The following TLR4 variants were observed in gnomAD, a reference collection of about 807,000 sequenced individuals.
TLR4 encodes toll-like receptor 4.
In TLR4, 17 loss-of-function variants were observed where a neutral mutation model predicts 27.4. That is an observed-to-expected ratio of 0.62 (90% CI 0.42 to 0.93). The LOEUF is 0.93. Among genes scored for constraint, TLR4 ranks in the 40% least tolerant of loss-of-function variants. The pLI, the probability that TLR4 is intolerant of heterozygous loss-of-function variation, is 0.00. For missense variants in TLR4, 926 were observed against 962.3 expected, an observed-to-expected ratio of 0.96 and a Z score of 0.50; for synonymous variants, 363 against 365.7, an observed-to-expected ratio of 0.99 and a Z score of 0.08.
Position 117,716,658 on chromosome 9 carries a change from G to T in TLR4, c.*2010G>T, listed in dbSNP as rs7873784. On this transcript the variant is annotated 3_prime_UTR_variant, in exon 3 of 3. Transcript: ENST00000355622. ...AAAGATCAGCTGTATAGCAGAGTTC[G>T]TATAATGAACAATACTGTATTATGC... 6.6e-6 allele frequency: 1 copy of T among 152,026 alleles called. No homozygotes were observed. 9.4% of individuals were successfully genotyped at this position (152,026 alleles called of 1,614,324 possible).
chr9:117,714,890 T>A lies in TLR4; in HGVS notation c.*242T>A. On this transcript the variant is annotated 3_prime_UTR_variant, in exon 3 of 3. Transcript: ENST00000355622. ...TCAACCAACTCAGTCAAGGAACCCA[T>A]GACAAAGAAAGTCATTTCAACTCTT... is the stretch of plus-strand genomic sequence containing the variant. 2 of 554,228 alleles carry A rather than the reference T, an allele frequency of 3.6e-6. No individual in the cohort carries two copies. The highest frequency in any genetic ancestry group is 6.5e-6 in the Non-Finnish European group (2 of 308,770). The allele number at this position is 554,228 out of a possible 1,614,324, so 34.3% of individuals were successfully genotyped here. A position where few individuals can be genotyped will look rare whatever the true frequency, so the allele number is the denominator to read the frequency against.
At position 117,713,590 on chromosome 9, in the gene TLR4, C is replaced by T; in HGVS notation, c.1462C>T (p.Leu488Phe). ...TGGCAATTCTTTCCAGGAAAACTTC[C>T]TTCCAGATATCTTCACAGAGCTGAG... ...MAGNSFQENF[L>F]PDIFTELRNL... is the part of the protein sequence containing the mutation. The change falls in exon 3 of 3, where the codon CTT (leucine) becomes TTT (phenylalanine). Residue 488 changes from leucine (L) to phenylalanine (F), a missense_variant. Leu to Phe is a conservative substitution (Grantham distance 22). Transcript: ENST00000355622. The T allele has an allele frequency of 6.2e-7, 1 of 1,614,072 alleles. No individual in the cohort carries two copies. Among genetic ancestry groups the T allele is most frequent in the Non-Finnish European group, 8.5e-7 (1 of 1,180,008 alleles).
intron 1 of TLR4, chr9:117,708,183 T>C: frequency 9.8e-7 from 1 of 1,018,230 alleles, no homozygotes; most frequent in Non-Finnish European, 1.2e-6. Flanking sequence ...CGTTTTATTT[T>C]GTTTTGTTTT....
rs1359016641 is a variant in TLR4 at position 117,715,265 on chromosome 9, T to A, written c.*617T>A. 6.5e-6 allele frequency: 1 copy of A among 152,784 alleles called. No homozygotes were observed. The highest frequency in any genetic ancestry group is 2.4e-5 in the African/African-American group (1 of 41,460). The allele number at this position is 152,784 out of a possible 1,614,324, so 9.5% of individuals were successfully genotyped here. A position where few individuals can be genotyped will look rare whatever the true frequency, so the allele number is the denominator to read the frequency against. ...CTATTTTTTAACTAATCACCCCTGA[T>A]ATATTTTTATTTTTATATATCCAGT... On this transcript the variant is annotated 3_prime_UTR_variant, in exon 3 of 3. Coordinates refer to ENST00000355622, the MANE Select transcript of TLR4 (RefSeq NM_138554.5).
In TLR4 at chr9:117,713,807, A is replaced by T; in HGVS notation, c.1679A>T (p.Lys560Ile). ...DYSLNHIMTS[K>I]KQELQHFPSS... ...AGTCTCAATCACATAATGACTTCCA[A>T]AAAACAGGAACTACAGCATTTTCCA... Residue 560 changes from lysine (K) to isoleucine (I), a missense_variant, in exon 3 of 3, where the codon AAA (lysine) becomes ATA (isoleucine). By Grantham distance (102) the Lys-to-Ile change is moderately radical. Coordinates refer to ENST00000355622, the MANE Select transcript of TLR4 (RefSeq NM_138554.5). 1 of 1,613,992 alleles carries T rather than the reference A, an allele frequency of 6.2e-7. No homozygotes were observed. The highest frequency in any genetic ancestry group is 8.5e-7 in the Non-Finnish European group (1 of 1,180,004).
chr9:117,709,872 C>T (rs1829201632), intron 2 of TLR4, among the ~76,000 whole-genome samples: 1 of 151,958 alleles, frequency 6.6e-6, no homozygotes, highest in African/African-American at 2.4e-5. Context: ...AAGTTTACCC[C>T]CAACCTTTAT....
chr9:117,721,756 T>C lies in TLR4; in HGVS notation c.*7108T>C, dbSNP rs1829425025. 6.6e-6 allele frequency: 1 copy of C among 152,258 alleles called. No individual in the cohort carries two copies. Among genetic ancestry groups the C allele is most frequent in the Non-Finnish European group, 1.5e-5 (1 of 68,050 alleles). The allele number at this position is 152,258 out of a possible 1,614,324, so 9.4% of individuals were successfully genotyped here. A position where few individuals can be genotyped will look rare whatever the true frequency, so the allele number is the denominator to read the frequency against. On this transcript the variant is annotated 3_prime_UTR_variant, in exon 3 of 3. Coordinates refer to ENST00000355622, the MANE Select transcript of TLR4 (RefSeq NM_138554.5). ...GTGCACAGACAGATTTGGGAATTAC[T>C]GTTATAATGGAAAATGGAGAATAAC...
Position 117,713,548 on chromosome 9 carries a change from G to A in TLR4, c.1420G>A (p.Glu474Lys), listed in dbSNP as rs5030718. 2.1e-3 allele frequency: 3,415 copies of A among 1,613,926 alleles called. 53 individuals carry two copies. In the African/African-American group the frequency reaches 0.038, roughly 18 times the overall value. Residue 474 changes from glutamate (E) to lysine (K), a missense_variant, in exon 3 of 3, where the codon GAA (glutamate) becomes AAA (lysine). Coordinates refer to ENST00000355622, the MANE Select transcript of TLR4 (RefSeq NM_138554.5). ...NGIFNGLSSLEVLKMAGNSFQ... is the reference protein window; with the variant it reads ...NGIFNGLSSLKVLKMAGNSFQ... ...CATCTTCAATGGCTTGTCCAGTCTCGAAGTCTTGAAAATGGCTGGCAATTC... is the reference window on the plus strand; with the variant it reads ...CATCTTCAATGGCTTGTCCAGTCTCAAAGTCTTGAAAATGGCTGGCAATTC...
At chr9:117,704,617 C>T in intron 1 of TLR4, 52 bp downstream of exon 1, 1 of 1,480,756 alleles carries the variant, frequency 6.8e-7, no homozygotes, top group Non-Finnish European at 9.4e-7. Context: ...CTGCCCAGAA[C>T]TTCTCACTGT....
rs1829317389 is a variant in TLR4, at chr9:117,714,898, A to G, written c.*250A>G. ...CTCAGTCAAGGAACCCATGACAAAGAAAGTCATTTCAACTCTTACCTCATC... is the reference window on the plus strand; with the variant it reads ...CTCAGTCAAGGAACCCATGACAAAGGAAGTCATTTCAACTCTTACCTCATC... On this transcript the variant is annotated 3_prime_UTR_variant, in exon 3 of 3. Coordinates refer to ENST00000355622, the MANE Select transcript of TLR4 (RefSeq NM_138554.5). The G allele has an allele frequency of 1.8e-6, 1 of 544,392 alleles. No individual in the cohort carries two copies. Among genetic ancestry groups the G allele is most frequent in the Non-Finnish European group, 3.3e-6 (1 of 302,482 alleles). The allele number at this position is 544,392 out of a possible 1,614,324, so 33.7% of individuals were successfully genotyped here.
chr9:117,708,226 T>A, intron 1 of TLR4: 30 of 1,097,724 alleles, frequency 2.7e-5, no homozygotes, highest in Non-Finnish European at 3.3e-5. Context: ...ACAGAAGAGC[T>A]GGCATGAAAC....
In TLR4 at chr9:117,712,580, C is replaced by T. The variant is rs1159116911; in HGVS notation, c.452C>T (p.Thr151Ile). The stretch of plus-strand genomic sequence containing the variant: ...AACTTCCCCATTGGACATCTCAAAA[C>T]TTTGAAAGAACTTAATGTGGCTCAC... Reference protein sequence around the residue: ...LENFPIGHLKTLKELNVAHNL... With the variant: ...LENFPIGHLKILKELNVAHNL... Residue 151 changes from threonine to isoleucine, a missense_variant, in exon 3 of 3, where the codon ACT (threonine) becomes ATT (isoleucine). Physicochemically the swap from Thr to Ile is moderately conservative, Grantham distance 89 (BLOSUM62 -1). Transcript: ENST00000355622. 4 of 1,614,028 alleles carry T rather than the reference C, an allele frequency of 2.5e-6. No individual in the cohort carries two copies. In the South Asian group the frequency reaches 4.4e-5, roughly 18 times the overall value.
chr9:117,714,589 T>A lies in TLR4; in HGVS notation c.2461T>A (p.Trp821Arg), dbSNP rs1021610446. The A allele has an allele frequency of 6.2e-7, 1 of 1,613,556 alleles. No individual in the cohort carries two copies. Among genetic ancestry groups the A allele is most frequent in the Non-Finnish European group, 8.5e-7 (1 of 1,179,968 alleles). Residue 821 changes from tryptophan to arginine, a missense_variant, in exon 3 of 3, where the codon TGG becomes AGG. Coordinates refer to ENST00000355622, the MANE Select transcript of TLR4 (RefSeq NM_138554.5). ...AAAAGCCCTGCTGGATGGTAAATCA[T>A]GGAATCCAGAAGGAACAGTGGGTAC... is the stretch of plus-strand genomic sequence containing the variant. Reference protein sequence around the residue: ...LRKALLDGKSWNPEGTVGTGC... With the variant: ...LRKALLDGKSRNPEGTVGTGC...
Position 117,713,158 on chromosome 9 carries a change from C to T in TLR4, c.1030C>T (p.Gln344Ter). ...HLELVNCKFG[Q>*]FPTLKLKSLK... ...AGAATTAGTTAACTGTAAATTTGGA[C>T]AGTTTCCCACATTGAAACTCAAATC... Residue 344 changes from glutamine to a stop codon, truncating the protein, a stop_gained, in exon 3 of 3, where the codon CAG becomes TAG. Coordinates refer to ENST00000355622, the MANE Select transcript of TLR4 (RefSeq NM_138554.5). LOFTEE classifies it low-confidence loss of function (END_TRUNC). The T allele has an allele frequency of 6.2e-7, 1 of 1,613,722 alleles. No homozygotes were observed. Among genetic ancestry groups the T allele is most frequent in the Non-Finnish European group, 8.5e-7 (1 of 1,179,828 alleles).
Position 117,714,110 on chromosome 9 carries a change from T to C in TLR4, c.1982T>C (p.Leu661Pro). 6.2e-7 allele frequency: 1 copy of C among 1,614,126 alleles called. No homozygotes were observed. Among genetic ancestry groups the C allele is most frequent in the South Asian group, 1.1e-5 (1 of 91,080 alleles). ...VYKFYFHLML[L>P]AGCIKYGRGE... ...AAGTTCTATTTTCACCTGATGCTTC[T>C]TGCTGGCTGCATAAAGTATGGTAGA... The change falls in exon 3 of 3, where the codon CTT becomes CCT. Residue 661 changes from leucine to proline, a missense_variant. Leu to Pro is a moderately conservative substitution (Grantham distance 98). Coordinates refer to ENST00000355622, the MANE Select transcript of TLR4 (RefSeq NM_138554.5).
In TLR4 at chr9:117,715,200, A is replaced by G. The variant is rs1274662493; in HGVS notation, c.*552A>G. ...GCTAATTCCTAAGGAAACCTGATTA[A>G]CACATGCTCACAACCATCCTGGTCA... On this transcript the variant is annotated 3_prime_UTR_variant, in exon 3 of 3. Transcript: ENST00000355622. The G allele has an allele frequency of 6.3e-6, 1 of 159,094 alleles. No individual in the cohort carries two copies. The highest frequency in any genetic ancestry group is 1.4e-5 in the Non-Finnish European group (1 of 71,658). 9.9% of individuals were successfully genotyped at this position (159,094 alleles called of 1,614,324 possible). A position where few individuals can be genotyped will look rare whatever the true frequency, so the allele number is the denominator to read the frequency against.
At position 117,720,899 on chromosome 9, in the gene TLR4, T is replaced by C. The variant is rs1829415382; in HGVS notation, c.*6251T>C. The C allele has an allele frequency of 1.3e-5, 2 of 152,156 alleles. No individual in the cohort carries two copies. The highest frequency in any genetic ancestry group is 1.3e-4 in the Admixed American group (2 of 15,280). The allele number at this position is 152,156 out of a possible 1,614,324, so 9.4% of individuals were successfully genotyped here. ...TGTCCTTGTCTTTCCCTTTGGACTC[T>C]GGGAGGTCTGTTCTCCTCCTCAGAA... On this transcript the variant is annotated 3_prime_UTR_variant, in exon 3 of 3. Coordinates refer to ENST00000355622, the MANE Select transcript of TLR4 (RefSeq NM_138554.5).
rs1181499578 is a variant in TLR4 at position 117,716,010 on chromosome 9, C to T, written c.*1362C>T. The T allele has an allele frequency of 6.6e-6, 1 of 152,012 alleles. No individual in the cohort carries two copies. The highest frequency in any genetic ancestry group is 1.9e-4 in the East Asian group (1 of 5,182). 9.4% of individuals were successfully genotyped at this position (152,012 alleles called of 1,614,324 possible). ...ATCAGGGAAATGAAAATAAAAACCA[C>T]AATGAGATATCACCTTATACCAGGT... On this transcript the variant is annotated 3_prime_UTR_variant, in exon 3 of 3. Transcript: ENST00000355622.
chr9:117,708,429 G>C (rs1588092569), intron 1 of TLR4, 134 bp from the exon 2 acceptor site: 1 of 1,560,154 alleles, frequency 6.4e-7, no homozygotes, highest in East Asian at 2.4e-5. Context: ...TGGAAGGATG[G>C]ACAGATGGAT....
Sources: allele counts gnomAD v4.1 joint callset (sites outside exome capture counted in the v4.1 genomes callset), GRCh38; gene constraint gnomAD v4.1.1; transcripts MANE v1.5; gene names NCBI Gene and HGNC (gene_info 2026-07-23, HGNC 2026-07-21).